ATP9B: variants seen among roughly 807,000 people sequenced by gnomAD.
ATP9B encodes probable phospholipid-transporting ATPase IIB.
ATP9B carries 110 observed loss-of-function variants against 146.1 expected under a neutral mutation model. The ratio of observed to expected loss-of-function variants is 0.75; its 90% CI spans 0.65 to 0.88. The LOEUF is 0.88. Among genes scored for constraint, ATP9B ranks in the 40% least tolerant of loss-of-function variants. The probability of loss-of-function intolerance (pLI) is 0.00; values close to 1 mark genes in which losing one functional copy is unlikely to be tolerated. For synonymous variants in ATP9B, 604 were observed against 569.7 expected, an observed-to-expected ratio of 1.06 and a Z score of -0.86; for missense variants, 1,499 against 1,496.4, an observed-to-expected ratio of 1.00 and a Z score of -0.03.
rs571352904 is a variant in ATP9B, at chr18:79,359,416, C to T, written c.2966C>T (p.Pro989Leu). 1.2e-6 allele frequency: 2 copies of T among 1,613,982 alleles called. No homozygotes were observed. The highest frequency in any genetic ancestry group is 2.2e-5 in the East Asian group (1 of 44,880). Residue 989 changes from proline (P) to leucine (L), a missense_variant, in exon 26 of 30, where the codon CCA (proline) becomes CTA (leucine). By Grantham distance (98) the Pro-to-Leu change is moderately conservative. Transcript: ENST00000426216. ...FSLVLDQDVK[P>L]EMAMLYPELY... ...TTAGTGCTGGACCAGGACGTGAAGC[C>T]AGAGATGGCGATGCTCTACCCGGAG...
intron 12 of ATP9B, among the ~76,000 whole-genome samples, chr18:79,267,069 T>A (rs2096210873): frequency 6.6e-6 from 1 of 152,102 alleles, no homozygotes; most frequent in Non-Finnish European, 1.5e-5. Flanking sequence ...GAGCCTCAAC[T>A]TTTTACTGTG....
At chr18:79,304,460 C>T (rs2096609971) in intron 14 of ATP9B, among the ~76,000 whole-genome samples, 2 of 152,210 alleles carry the variant, frequency 1.3e-5, no homozygotes, top group Non-Finnish European at 2.9e-5. Flanking sequence ...CCTCTAATCG[C>T]TTATCTGAAC....
At chr18:79,340,422 T>C (rs865917690) in intron 19 of ATP9B, 5 of 152,342 alleles carry the variant, frequency 3.3e-5, no homozygotes, top group Middle Eastern at 3.4e-3. Flanking sequence ...TTTGTCATGA[T>C]GATGTGTCAT....
chr18:79,374,646 A>C (rs190615615), intron 28 of ATP9B, among the ~76,000 whole-genome samples: 3 of 152,262 alleles, frequency 2.0e-5, no homozygotes, highest in African/African-American at 7.2e-5. Context: ...CCGCGTGTGC[A>C]CTTGTCCTCG....
intron 26 of ATP9B, chr18:79,361,802 A>T (rs1232570156): frequency 7.2e-5 from 71 of 985,408 alleles, no homozygotes; most frequent in Non-Finnish European, 8.3e-5. Flanking sequence ...GCAGCTGGAG[A>T]CTGGATGTGC....
Position 79,166,982 on chromosome 18 carries a change from CTG to C in ATP9B, c.779-9826_779-9825del, listed in dbSNP as rs2094977168. Among the ~76,000 whole-genome samples the C allele has an allele frequency of 2.0e-5, 3 of 152,110 alleles. No individual in the cohort carries two copies. The East Asian group carries it at 5.8e-4, about 29-fold the overall frequency. ...GGGCAGGCAGCTCCAGGTGCCGGCT[CTG>C]TGTGAGGCTGTGGCCAAATCAGGCG... is the stretch of plus-strand genomic sequence containing the variant. On this transcript the variant is annotated intron_variant, in intron 7 of 29. Transcript: ENST00000426216.
In ATP9B at chr18:79,270,000, T is replaced by A. The variant is rs4799025; in HGVS notation, c.1269-7054T>A. ...CTCCTTGCGGCCTTTAGCCGGCTCC[T>A]GTTTGCCTGGTCAGCTTTGTTACTA... On this transcript the variant is annotated intron_variant, in intron 12 of 29. Transcript: ENST00000426216. 5.4e-4 allele frequency among the ~76,000 whole-genome samples: 82 copies of A among 152,208 alleles called. 1 individual carries two copies. In the East Asian group the frequency reaches 0.015, roughly 27 times the overall value.
Position 79,119,468 on chromosome 18 carries a change from T to C in ATP9B, c.558+6114T>C, listed in dbSNP as rs574898154. 9.2e-5 allele frequency among the ~76,000 whole-genome samples: 14 copies of C among 152,392 alleles called. No individual in the cohort carries two copies. The East Asian group carries it at 2.1e-3, about 23-fold the overall frequency. ...CATCCTCTGTTATTTTGAAGTACTT[T>C]ATCATTTTTTGACATGTATTAGCTT... On this transcript the variant is annotated intron_variant, in intron 4 of 29. Transcript: ENST00000426216.
At chr18:79,189,347 A>T (rs2095340426) in intron 8 of ATP9B, among the ~76,000 whole-genome samples, 1 of 151,804 alleles carries the variant, frequency 6.6e-6, no homozygotes, top group Non-Finnish European at 1.5e-5. Flanking sequence ...ACTCCATCAA[A>T]AAAAAAAGAT....
chr18:79,343,675 C>G (rs2096870396), intron 20 of ATP9B: 1 of 153,532 alleles, frequency 6.5e-6, no homozygotes, highest in African/African-American at 2.4e-5. Context: ...TGTCTCTTAC[C>G]CGATGTGTGG....
chr18:79,163,671 A>G (rs1367855847), intron 7 of ATP9B, among the ~76,000 whole-genome samples: 1 of 152,058 alleles, frequency 6.6e-6, no homozygotes, highest in Non-Finnish European at 1.5e-5. Flanking sequence ...CTCGTGCAAT[A>G]TATTTTTTTA....
chr18:79,377,512 A>G lies in ATP9B; in HGVS notation c.*129A>G. The G allele has an allele frequency of 8.2e-7, 1 of 1,222,266 alleles. No individual in the cohort carries two copies. Among genetic ancestry groups the G allele is most frequent in the Non-Finnish European group, 1.1e-6 (1 of 886,260 alleles). The allele number at this position is 1,222,266 out of a possible 1,614,324, so 75.7% of individuals were successfully genotyped here. On this transcript the variant is annotated 3_prime_UTR_variant, in exon 30 of 30. Coordinates refer to ENST00000426216, the MANE Select transcript of ATP9B (RefSeq NM_198531.5). Reference sequence around the variant, plus strand: ...CACCACAAGAAAGGGAGGGTACGCCAGGCGAGCCCAGGGCACAGATGCTGA... The same window carrying G: ...CACCACAAGAAAGGGAGGGTACGCCGGGCGAGCCCAGGGCACAGATGCTGA...
intron 11 of ATP9B, among the ~76,000 whole-genome samples, chr18:79,220,212 A>C (rs1431474045): frequency 6.6e-6 from 1 of 152,160 alleles, no homozygotes; most frequent in Non-Finnish European, 1.5e-5. Context: ...CAGTGATGAA[A>C]ATGAGTTGTT....
At chr18:79,250,424 C>T (rs1198996553) in intron 11 of ATP9B, among the ~76,000 whole-genome samples, 1 of 152,122 alleles carries the variant, frequency 6.6e-6, no homozygotes, top group Non-Finnish European at 1.5e-5. Context: ...TTGATAGCAT[C>T]TTTAGGTTGA....
chr18:79,090,226 A>G (rs182429303), intron 1 of ATP9B, among the ~76,000 whole-genome samples: 4 of 152,328 alleles, frequency 2.6e-5, no homozygotes, highest in East Asian at 3.9e-4. Context: ...CAGTGCTGCA[A>G]CAAACATAGG....
At chr18:79,355,956 A>T (rs2096950026) in intron 25 of ATP9B, among the ~76,000 whole-genome samples, 1 of 152,178 alleles carries the variant, frequency 6.6e-6, no homozygotes, top group Non-Finnish European at 1.5e-5. Context: ...TGGGCACGGC[A>T]CACTGCAGCC....
intron 7 of ATP9B, among the ~76,000 whole-genome samples, chr18:79,175,631 T>A (rs1222009007): frequency 6.6e-6 from 1 of 152,164 alleles, no homozygotes; most frequent in Admixed American, 6.5e-5. Flanking sequence ...ACAGATATGT[T>A]CACACACCAA....
intron 15 of ATP9B, among the ~76,000 whole-genome samples, chr18:79,323,714 G>T (rs887603245): frequency 9.8e-5 from 15 of 152,302 alleles, no homozygotes; most frequent in Admixed American, 9.8e-4. Context: ...TCCAGTGGGG[G>T]ACACAGGCTG....
At chr18:79,215,104 C>T (rs2095615390) in intron 11 of ATP9B, among the ~76,000 whole-genome samples, 1 of 144,346 alleles carries the variant, frequency 6.9e-6, no homozygotes, top group South Asian at 2.2e-4. Flanking sequence ...GCCAAGATCG[C>T]ACCATTGCAC....
Sources: allele counts gnomAD v4.1 joint callset (sites outside exome capture counted in the v4.1 genomes callset), GRCh38; gene constraint gnomAD v4.1.1; transcripts MANE v1.5; gene names NCBI Gene and HGNC (gene_info 2026-07-23, HGNC 2026-07-21).